Variants in FGF13 observed in about 807,000 individuals in gnomAD.
The protein encoded by FGF13 is fibroblast growth factor homologous factor 2.
In FGF13, 2 loss-of-function variants were observed where a neutral mutation model predicts 19.5. That is an observed-to-expected ratio of 0.10 (90% CI 0.04 to 0.32). The LOEUF (loss-of-function observed/expected upper bound fraction) is 0.32, where lower values mean the gene tolerates loss of function less well. FGF13 is among the 10% of genes least tolerant of loss of function. FGF13 has a pLI of 1.00. For missense variants in FGF13, 113 were observed against 192.7 expected (o/e 0.59, Z 2.45); for synonymous variants, 72 against 76.9 (o/e 0.94, Z 0.33).
At chrX:138,779,360 C>T (rs1341337236) in intron 3 of FGF13, among the ~76,000 whole-genome samples, 1 of 111,646 alleles carries the variant, frequency 9.0e-6, no homozygotes, top group Non-Finnish European at 1.9e-5. Context: ...GATGATCAAA[C>T]TACTCTGAGC....
chrX:138,715,156 C>T (rs1291147243), upstream of FGF13, among the ~76,000 whole-genome samples: 1 of 112,212 alleles, frequency 8.9e-6, no homozygotes, highest in Non-Finnish European at 1.9e-5. Context: ...GTCCACCAAC[C>T]TCTCTTTTTG....
In FGF13 at chrX:138,629,930, TAG is replaced by T. The variant is rs996523576; in HGVS notation, c.*2918_*2919del. On this transcript the variant is annotated 3_prime_UTR_variant, in exon 5 of 5. Transcript: ENST00000315930. ...GAAGTGTTTCCCACAACTATTTGAC[TAG>T]AGTCTTTTTTTCTTTCATCAGTTAT... 4 of 111,221 alleles carry T rather than the reference TAG, an allele frequency of 3.6e-5. No homozygotes were observed. The highest frequency in any genetic ancestry group is 1.9e-4 in the Admixed American group (2 of 10,418). The allele number at this position is 111,221 out of a possible 1,213,427, so 9.2% of individuals were successfully genotyped here. A position where few individuals can be genotyped will look rare whatever the true frequency, so the allele number is the denominator to read the frequency against.
At chrX:139,166,112 G>A (rs1291544919) in intron 1 of FGF13, among the ~76,000 whole-genome samples, 3 of 111,301 alleles carry the variant, frequency 2.7e-5, no homozygotes, top group Non-Finnish European at 5.7e-5. Flanking sequence ...GATTTGGTAG[G>A]GGAAGGTCAC....
chrX:138,636,091 T>A (rs781154807), intron 3 of FGF13, among the ~76,000 whole-genome samples: 355 of 112,402 alleles, frequency 3.2e-3, no homozygotes, highest in African/African-American at 0.011. Context: ...TACACTATGG[T>A]TGTCAATTGC....
intron 3 of FGF13, among the ~76,000 whole-genome samples, chrX:138,649,622 A>G (rs2089346568): frequency 8.9e-6 from 1 of 112,359 alleles, no homozygotes; most frequent in Non-Finnish European, 1.9e-5. Flanking sequence ...GAAAGGAGAC[A>G]TAGACTTGTT....
chrX:138,977,258 A>T (rs1190144246), intron 1 of FGF13, among the ~76,000 whole-genome samples: 1 of 111,920 alleles, frequency 8.9e-6, no homozygotes, highest in Non-Finnish European at 1.9e-5. Flanking sequence ...ACGTATATTA[A>T]GTGTTTCTCT....
chrX:139,072,893 C>T (rs1278863373), intron 1 of FGF13, among the ~76,000 whole-genome samples: 1 of 111,522 alleles, frequency 9.0e-6, no homozygotes, highest in Non-Finnish European at 1.9e-5. Context: ...GTCCTTGAAC[C>T]TCTTTTGTAT....
intron 1 of FGF13, among the ~76,000 whole-genome samples, chrX:139,189,769 T>C (rs2084310504): frequency 8.9e-6 from 1 of 112,034 alleles, no homozygotes; most frequent in Non-Finnish European, 1.9e-5. Flanking sequence ...GTCTTCAGAT[T>C]ATATACTTCA....
At chrX:139,144,680 A>G (rs1170202013) in intron 1 of FGF13, among the ~76,000 whole-genome samples, 1 of 111,379 alleles carries the variant, frequency 9.0e-6, no homozygotes, top group African/African-American at 3.3e-5. Flanking sequence ...GAAATTCCAC[A>G]AATGTTAGCA....
intron 1 of FGF13, among the ~76,000 whole-genome samples, chrX:138,875,850 C>T (rs757493270): frequency 2.6e-4 from 29 of 111,812 alleles, no homozygotes; most frequent in Middle Eastern, 4.6e-3. Flanking sequence ...TCAGCTCTCC[C>T]GGTTCTCAGG....
At chrX:139,112,970 TAGTG>T (rs1159962851) in intron 1 of FGF13, among the ~76,000 whole-genome samples, 77 of 84,565 alleles carry the variant, frequency 9.1e-4, no homozygotes, top group African/African-American at 3.6e-3. Context: ...CTTGATTATG[TAGTG>T]TGTGTGTGTG....
At chrX:139,142,137 A>C (rs1217430487) in intron 1 of FGF13, among the ~76,000 whole-genome samples, 1 of 112,180 alleles carries the variant, frequency 8.9e-6, no homozygotes, top group Non-Finnish European at 1.9e-5. Context: ...TCAGTTGTTT[A>C]CAAGTGTGTC....
chrX:138,658,153 A>G (rs2089455421), intron 3 of FGF13, among the ~76,000 whole-genome samples: 1 of 112,255 alleles, frequency 8.9e-6, no homozygotes, highest in Non-Finnish European at 1.9e-5. Context: ...TCAGGAGGGA[A>G]GGATGTTTTT....
rs17342155 is a variant in FGF13 at position 138,754,165 on chromosome X, G to A, written c.218-45237C>T. Among the ~76,000 whole-genome samples, 916 of 111,682 alleles carry A rather than the reference G, an allele frequency of 8.2e-3. 54 individuals are homozygous for A. In the East Asian group the frequency reaches 0.19, roughly 23 times the overall value. On this transcript the variant is annotated intron_variant, in intron 3 of 6. Coordinates refer to the FGF13 transcript ENST00000436198. The stretch of plus-strand genomic sequence containing the variant: ...TGTTTCTTCTTATCAAGGAGTGTGC[G>A]AAATATATGTAAATGTTGATGTTTT...
At chrX:138,778,073 C>G (rs952327404) in intron 3 of FGF13, among the ~76,000 whole-genome samples, 1 of 111,812 alleles carries the variant, frequency 8.9e-6, no homozygotes, top group Non-Finnish European at 1.9e-5. Flanking sequence ...ATAGGAACAG[C>G]TCCGGTCTAC....
At chrX:138,821,727 T>C (rs768378763) in intron 3 of FGF13, among the ~76,000 whole-genome samples, 1 of 112,028 alleles carries the variant, frequency 8.9e-6, no homozygotes, top group Non-Finnish European at 1.9e-5. Context: ...TTACATTATG[T>C]TTCTATTGAA....
At chrX:138,745,005 G>A (rs1324597179) in intron 3 of FGF13, among the ~76,000 whole-genome samples, 2 of 111,847 alleles carry the variant, frequency 1.8e-5, no homozygotes, top group Non-Finnish European at 3.8e-5. Flanking sequence ...CTATATCTAC[G>A]TGTTATTACT....
chrX:138,637,885 G>A (rs1195330246), intron 3 of FGF13, among the ~76,000 whole-genome samples: 1 of 111,765 alleles, frequency 8.9e-6, no homozygotes, highest in Non-Finnish European at 1.9e-5. Context: ...AGAAAACAGG[G>A]AAGAATAATA....
At chrX:138,737,257 G>T (rs1446228890) in intron 1 of FGF13, among the ~76,000 whole-genome samples, 1 of 111,553 alleles carries the variant, frequency 9.0e-6, no homozygotes, top group Non-Finnish European at 1.9e-5. Context: ...GTGTACAAGG[G>T]TTGAAGTGTT....
Sources: gnomAD v4.1 joint callset for allele counts (sites outside exome capture counted in the v4.1 genomes callset) on GRCh38, gnomAD v4.1.1 for gene constraint, MANE v1.5 for transcripts, NCBI Gene and HGNC (gene_info 2026-07-23, HGNC 2026-07-21) for gene names.